KIF20B: variants seen among roughly 807,000 people sequenced by gnomAD.
The protein encoded by KIF20B is kinesin-like protein KIF20B.
Under a neutral mutation model 232.5 loss-of-function variants are expected in KIF20B, and 188 were observed. The ratio of observed to expected loss-of-function variants is 0.81; its 90% CI spans 0.72 to 0.91. The LOEUF is 0.91. Ranked by LOEUF, KIF20B falls within the 40% of genes least tolerant of loss-of-function variation. The pLI, the probability that KIF20B is intolerant of heterozygous loss-of-function variation, is 0.00. For synonymous variants in KIF20B, 712 were observed against 683.0 expected (o/e 1.04, Z -0.66); for missense variants, 2,154 against 2,055.9 (o/e 1.05, Z -0.92).
chr10:89,723,875 G>A, intron 13 of KIF20B, 89 bp from the exon 14 acceptor site: 3 of 1,027,294 alleles, frequency 2.9e-6, no homozygotes, highest in Non-Finnish European at 1.3e-6. Context: ...TTGACTAAAT[G>A]TAAAGTTTTA....
chr10:89,765,916 T>A (rs1842349391), intron 29 of KIF20B, among the ~76,000 whole-genome samples: 1 of 152,152 alleles, frequency 6.6e-6, no homozygotes. Context: ...CCGACCTTTC[T>A]CTTTGGCTCC....
chr10:89,733,218 A>G, intron 19 of KIF20B, 162 bp downstream of exon 19: 1 of 647,544 alleles, frequency 1.5e-6, no homozygotes. Flanking sequence ...TTTTCTAGGG[A>G]TGGGCATAGT....
intron 22 of KIF20B, among the ~76,000 whole-genome samples, chr10:89,744,957 T>C (rs1376120657): frequency 6.6e-6 from 1 of 152,230 alleles, no homozygotes; most frequent in African/African-American, 2.4e-5. Context: ...ATTAGAACTG[T>C]AGGATATCTG....
In KIF20B at chr10:89,723,969, G is replaced by A; in HGVS notation, c.1728G>A (p.Leu576=). The change falls in exon 14 of 33, where the codon CTG becomes CTA. Residue 576 remains leucine, a synonymous_variant. Coordinates refer to ENST00000371728, the MANE Select transcript of KIF20B (RefSeq NM_001284259.2). Reference sequence around the variant, plus strand: ...TTATCATTTACATGTAATAGAAACTGTTGGACTTAATAGAAGACTTGAAAA... The same window carrying A: ...TTATCATTTACATGTAATAGAAACTATTGGACTTAATAGAAGACTTGAAAA... The part of the protein sequence containing the change: ...AFISHEEKRK[L]LDLIEDLKKK... 1 of 1,536,868 alleles carries A rather than the reference G, an allele frequency of 6.5e-7. No homozygotes were observed. The highest frequency in any genetic ancestry group is 1.4e-5 in the African/African-American group (1 of 71,110).
chr10:89,763,526 C>A (rs1842288718), intron 29 of KIF20B, among the ~76,000 whole-genome samples: 1 of 152,054 alleles, frequency 6.6e-6, no homozygotes. Flanking sequence ...TAATCTTTGT[C>A]ATTTAACTAA....
chr10:89,727,000 G>A (rs886181338), intron 16 of KIF20B, among the ~76,000 whole-genome samples: 7 of 151,388 alleles, frequency 4.6e-5, no homozygotes, highest in Admixed American at 6.6e-5. Context: ...TTGTAGAGAT[G>A]GGATCTTGCT....
intron 28 of KIF20B, among the ~76,000 whole-genome samples, chr10:89,761,776 A>G (rs1272312989): frequency 6.6e-6 from 1 of 152,202 alleles, no homozygotes; most frequent in Non-Finnish European, 1.5e-5. Context: ...ACAAGGCTTA[A>G]TTCTTGATTG....
intron 1 of KIF20B, among the ~76,000 whole-genome samples, chr10:89,703,034 T>C (rs1176871965): frequency 6.6e-6 from 1 of 152,280 alleles, no homozygotes; most frequent in Non-Finnish European, 1.5e-5. Flanking sequence ...AAATACTTTA[T>C]TATAACTGCT....
In KIF20B at chr10:89,723,209, C is replaced by A. The variant is rs952486004; in HGVS notation, c.1723-755C>A. ...ATATAAAGTTGAGACATTGGAAGAT[C>A]TGTAGCTTAGAGTTTATTGTTTAAT... On this transcript the variant is annotated intron_variant, in intron 13 of 32. Transcript: ENST00000371728. Among the ~76,000 whole-genome samples, 3 of 152,128 alleles carry A rather than the reference C, an allele frequency of 2.0e-5. No homozygotes were observed. In the South Asian group the frequency reaches 6.2e-4, roughly 32 times the overall value.
intron 8 of KIF20B, among the ~76,000 whole-genome samples, chr10:89,715,845 G>A (rs75817559): frequency 6.6e-6 from 1 of 151,812 alleles, no homozygotes; most frequent in Non-Finnish European, 1.5e-5. Flanking sequence ...ACAAAAATTA[G>A]CCTGGCATGA....
intron 26 of KIF20B, among the ~76,000 whole-genome samples, chr10:89,756,529 A>T (rs1842121373): frequency 6.6e-6 from 1 of 152,182 alleles, no homozygotes; most frequent in Admixed American, 6.5e-5. Context: ...CACATTTTTG[A>T]TGTAATGTTA....
At chr10:89,745,878 T>A (rs373886858) in intron 22 of KIF20B, 21 bp from the exon 23 acceptor site, 1 of 1,504,538 alleles carries the variant, frequency 6.6e-7, no homozygotes, top group Non-Finnish European at 9.3e-7. Context: ...TGCAATTAAT[T>A]TATATTCTTT....
intron 13 of KIF20B, among the ~76,000 whole-genome samples, chr10:89,722,627 C>T (rs1843088438): frequency 6.6e-6 from 1 of 152,076 alleles, no homozygotes; most frequent in South Asian, 2.1e-4. Context: ...CGAGATCGAG[C>T]CACTGCACTC....
intron 19 of KIF20B, among the ~76,000 whole-genome samples, chr10:89,736,402 C>A (rs191761850): frequency 5.9e-5 from 9 of 151,638 alleles, no homozygotes; most frequent in Non-Finnish European, 1.3e-4. Context: ...TGGGCACTTA[C>A]GTGGGGTGAG....
In KIF20B at chr10:89,738,573, A is replaced by G; in HGVS notation, c.3732A>G (p.Gln1244=). 1 of 1,566,246 alleles carries G rather than the reference A, an allele frequency of 6.4e-7. No individual in the cohort carries two copies. The highest frequency in any genetic ancestry group is 1.2e-5 in the South Asian group (1 of 82,904). Residue 1244 remains glutamine, a synonymous_variant, in exon 20 of 33, where the codon CAA becomes CAG. Coordinates refer to ENST00000371728, the MANE Select transcript of KIF20B (RefSeq NM_001284259.2). ...TGCAAGATATGAAACATTTACTTCA[A>G]TTAAAAGAAGAAGAAGAAGAAACCA... ...NNLQDMKHLL[Q]LKEEEEETNR... is the part of the protein sequence containing the mutation.
At chr10:89,743,972 G>A (rs759774337) in intron 22 of KIF20B, 45 bp downstream of exon 22, 10 of 1,496,890 alleles carry the variant, frequency 6.7e-6, no homozygotes, top group South Asian at 5.4e-5. Context: ...CATTCTCTTG[G>A]TATATTTTAG....
chr10:89,745,156 T>A (rs1473684810), intron 22 of KIF20B, among the ~76,000 whole-genome samples: 3 of 152,232 alleles, frequency 2.0e-5, no homozygotes, highest in African/African-American at 7.2e-5. Flanking sequence ...TTTCCCTTGT[T>A]TCTGCTTTTT....
chr10:89,720,864 C>A (rs1462063580), intron 13 of KIF20B, among the ~76,000 whole-genome samples: 1 of 152,080 alleles, frequency 6.6e-6, no homozygotes, highest in Non-Finnish European at 1.5e-5. Flanking sequence ...CGTAACCATA[C>A]CCAGTTAAGT....
At position 89,762,682 on chromosome 10, in the gene KIF20B, T is replaced by C. The variant is rs753728120; in HGVS notation, c.4836T>C (p.Asn1612=). Residue 1612 remains asparagine (N), a synonymous_variant, in exon 29 of 33, where the codon AAT becomes AAC. Transcript: ENST00000371728. ...VLDSCEVSTE[N]DQSTRFPKPE... ...ACTCTTGTGAAGTGTCAACAGAAAA[T>C]GATCAAAGCACTCGATTTCCAAAAC... 8 of 1,613,622 alleles carry C rather than the reference T, an allele frequency of 5.0e-6. No individual in the cohort carries two copies. The highest frequency in any genetic ancestry group is 5.9e-6 in the Non-Finnish European group (7 of 1,179,756).
Sources: allele counts gnomAD v4.1 joint callset (sites outside exome capture counted in the v4.1 genomes callset), GRCh38; gene constraint gnomAD v4.1.1; transcripts MANE v1.5; gene names NCBI Gene and HGNC (gene_info 2026-07-23, HGNC 2026-07-21).